Variants in MGAT4C observed in about 807,000 individuals in gnomAD.
MGAT4C encodes the protein alpha-1,3-mannosyl-glycoprotein 4-beta-N-acetylglucosaminyltransferase C.
Under a neutral mutation model 40.1 loss-of-function variants are expected in MGAT4C, and 19 were observed. That is an observed-to-expected ratio of 0.47 (90% confidence interval 0.33 to 0.70). MGAT4C has a LOEUF of 0.70. Ranked by LOEUF, MGAT4C falls within the 30% of genes least tolerant of loss-of-function variation. The pLI is 0.02. For missense variants in MGAT4C, 491 were observed against 563.2 expected, an observed-to-expected ratio of 0.87 and a Z score of 1.30; for synonymous variants, 181 against 187.1, an observed-to-expected ratio of 0.97 and a Z score of 0.27.
In MGAT4C at chr12:86,398,492, C is replaced by T. The variant is rs373240401; in HGVS notation, c.-120+36665G>A. ...ATCATATACTATCATAGTATATTAA[C>T]ATACATGTATACATATATGGTATAC... On this transcript the variant is annotated intron_variant, in intron 3 of 7. Transcript: ENST00000548651. Among the ~76,000 whole-genome samples, 34 of 152,090 alleles carry T rather than the reference C, an allele frequency of 2.2e-4. 1 individual carries two copies. In the South Asian group the frequency reaches 6.7e-3, roughly 30 times the overall value.
At chr12:86,283,743 C>T (rs1212031189) in intron 4 of MGAT4C, among the ~76,000 whole-genome samples, 3 of 152,008 alleles carry the variant, frequency 2.0e-5, no homozygotes, top group African/African-American at 7.2e-5. Context: ...AATAGTTGAG[C>T]TTTAAAATGA....
intron 4 of MGAT4C, among the ~76,000 whole-genome samples, chr12:86,326,875 T>C (rs192296913): frequency 1.3e-5 from 2 of 152,166 alleles, no homozygotes; most frequent in African/African-American, 4.8e-5. Flanking sequence ...TAAACAATAA[T>C]AACAAAAATA....
intron 2 of MGAT4C, among the ~76,000 whole-genome samples, chr12:86,707,390 T>A (rs1322677549): frequency 1.3e-5 from 2 of 152,136 alleles, no homozygotes; most frequent in Non-Finnish European, 2.9e-5. Context: ...GAGGAACTTG[T>A]TGGGAACTGG....
At chr12:86,798,485 T>A (rs1952170398) in intron 1 of MGAT4C, among the ~76,000 whole-genome samples, 1 of 151,976 alleles carries the variant, frequency 6.6e-6, no homozygotes, top group African/African-American at 2.4e-5. Flanking sequence ...AACTTCATTA[T>A]GTGCATCTCT....
chr12:85,958,969 G>A lies in MGAT4C; in HGVS notation c.*20320C>T, dbSNP rs1882965575. ...AATAAAAAAAATACAAGTGCATAGG[G>A]CAGAGGAGGCGATTCAGTTACTTCT... On this transcript the variant is annotated 3_prime_UTR_variant, in exon 5 of 5. Coordinates refer to ENST00000611864, the MANE Select transcript of MGAT4C (RefSeq NM_001351288.2). 6.6e-6 allele frequency: 1 copy of A among 151,718 alleles called. No individual in the cohort carries two copies. Among genetic ancestry groups the A allele is most frequent in the South Asian group, 2.1e-4 (1 of 4,806 alleles). The allele number at this position is 151,718 out of a possible 1,614,324, so 9.4% of individuals were successfully genotyped here.
chr12:86,806,920 G>A (rs1209371856), intron 1 of MGAT4C, among the ~76,000 whole-genome samples: 3 of 151,754 alleles, frequency 2.0e-5, no homozygotes, highest in Admixed American at 6.6e-5. Flanking sequence ...ACGAGTTAAT[G>A]GGTGCAGCAT....
intron 1 of MGAT4C, among the ~76,000 whole-genome samples, chr12:86,174,250 G>A (rs1304060827): frequency 6.6e-6 from 1 of 151,718 alleles, no homozygotes; most frequent in Non-Finnish European, 1.5e-5. Flanking sequence ...TAGTCTGTAT[G>A]TACTTCCCTA....
chr12:86,028,208 C>G (rs180761419), intron 2 of MGAT4C: 1 of 1,280,010 alleles, frequency 7.8e-7, no homozygotes, highest in East Asian at 5.6e-5. Context: ...ATTCCATCTG[C>G]TGATGGAAAA....
chr12:86,399,099 T>C (rs1036371228), intron 3 of MGAT4C, among the ~76,000 whole-genome samples: 1 of 151,966 alleles, frequency 6.6e-6, no homozygotes, highest in Non-Finnish European at 1.5e-5. Flanking sequence ...GCCTCCCGAG[T>C]AGCTGGGACT....
At chr12:86,213,886 CA>C (rs1950574240) in intron 1 of MGAT4C, among the ~76,000 whole-genome samples, 1 of 152,178 alleles carries the variant, frequency 6.6e-6, no homozygotes, top group Admixed American at 6.5e-5. Flanking sequence ...TGCCTGAAAT[CA>C]AATCCCATCA....
intron 2 of MGAT4C, among the ~76,000 whole-genome samples, chr12:86,681,297 T>C (rs924140753): frequency 6.6e-6 from 1 of 151,934 alleles, no homozygotes; most frequent in African/African-American, 2.4e-5. Context: ...TATAATAAAT[T>C]ATAAAACTTT....
chr12:85,993,031 C>T (rs753948301), intron 2 of MGAT4C, among the ~76,000 whole-genome samples: 2 of 152,222 alleles, frequency 1.3e-5, no homozygotes, highest in Non-Finnish European at 2.9e-5. Context: ...AGGCAGGTCC[C>T]AGTCTCAACT....
rs578061353 is a variant in MGAT4C at position 86,604,155 on chromosome 12, A to G, written c.-229+123054T>C. ...TGGTTGTTGACAGGATGCCAAGAAC[A>G]GCTAAGAAAATGTGCTCCACCTGGG... On this transcript the variant is annotated intron_variant, in intron 2 of 7. Transcript: ENST00000548651. Among the ~76,000 whole-genome samples the G allele has an allele frequency of 3.3e-5, 5 of 152,232 alleles. No individual in the cohort carries two copies. The South Asian group carries it at 1.0e-3, about 32-fold the overall frequency.
intron 1 of MGAT4C, among the ~76,000 whole-genome samples, chr12:86,063,247 A>C (rs1283045038): frequency 6.6e-6 from 1 of 152,188 alleles, no homozygotes; most frequent in Non-Finnish European, 1.5e-5. Context: ...AGAATTTTCA[A>C]CCCAGAATTT....
At chr12:86,194,848 C>G (rs1949740208) in intron 1 of MGAT4C, among the ~76,000 whole-genome samples, 1 of 152,128 alleles carries the variant, frequency 6.6e-6, no homozygotes, top group African/African-American at 2.4e-5. Context: ...TTTGGGTTTG[C>G]TCTAATGCCA....
At chr12:86,516,027 A>T (rs1454720364) in intron 2 of MGAT4C, among the ~76,000 whole-genome samples, 1 of 152,050 alleles carries the variant, frequency 6.6e-6, no homozygotes, top group Non-Finnish European at 1.5e-5. Context: ...TACAGGTGTG[A>T]GCCATCGCGC....
At position 86,753,282 on chromosome 12, in the gene MGAT4C, T is replaced by G. The variant is rs183366303; in HGVS notation, c.-261-26041A>C. Among the ~76,000 whole-genome samples the G allele has an allele frequency of 4.3e-3, 654 of 152,254 alleles. 3 individuals carry two copies. The highest frequency in any genetic ancestry group is 0.015 in the African/African-American group (627 of 41,574). On this transcript the variant is annotated intron_variant, in intron 1 of 7. Coordinates refer to the MGAT4C transcript ENST00000548651. Reference sequence around the variant, plus strand: ...CAGGGTGGAAAACCGCTTAAAGGCATTCTTAAGCTACAAAGAAAAGCCTGA... The same window carrying G: ...CAGGGTGGAAAACCGCTTAAAGGCAGTCTTAAGCTACAAAGAAAAGCCTGA...
intron 4 of MGAT4C, among the ~76,000 whole-genome samples, chr12:86,262,769 A>C (rs2452805): frequency 0.85 from 129,244 of 151,998 alleles, 55,012 homozygotes; most frequent in East Asian, 0.95. Flanking sequence ...TATTTGATAA[A>C]CCTTTTAAAG....
In MGAT4C at chr12:85,983,674, A is replaced by G; in HGVS notation, c.148-4T>C. 6.4e-7 allele frequency: 1 copy of G among 1,555,182 alleles called. No homozygotes were observed. The highest frequency in any genetic ancestry group is 8.7e-7 in the Non-Finnish European group (1 of 1,154,880). ...TTATAAGTTGTTTGTCTCCTTCCTA[A>G]ATACCAAGAAAGAAGCAAGGAAAAT... On this transcript the variant is annotated splice_polypyrimidine_tract_variant and splice_region_variant and intron_variant, in intron 3 of 4. Coordinates refer to ENST00000611864, the MANE Select transcript of MGAT4C (RefSeq NM_001351288.2).
Sources: gnomAD v4.1 joint callset for allele counts (sites outside exome capture counted in the v4.1 genomes callset) on GRCh38, gnomAD v4.1.1 for gene constraint, MANE v1.5 for transcripts, NCBI Gene and HGNC (gene_info 2026-07-23, HGNC 2026-07-21) for gene names.